Variants in ZBTB43 observed in about 807,000 individuals in gnomAD.
ZBTB43 encodes zinc finger and BTB domain-containing protein 43.
In ZBTB43, 6 loss-of-function variants were observed where a neutral mutation model predicts 31.1. The observed-to-expected ratio is 0.19, with a 90% CI of 0.11 to 0.38. ZBTB43 has a LOEUF of 0.38. Among genes scored for constraint, ZBTB43 ranks in the 10% least tolerant of loss-of-function variants. ZBTB43 has a pLI of 1.00. For missense variants in ZBTB43, 379 were observed against 602.1 expected, an observed-to-expected ratio of 0.63 and a Z score of 3.88; for synonymous variants, 212 against 221.7, an observed-to-expected ratio of 0.96 and a Z score of 0.39.
At chr9:126,808,939 T>TA (rs2032185349) in intron 2 of ZBTB43, 24 bp downstream of exon 2, 1 of 152,252 alleles carries the variant, frequency 6.6e-6, no homozygotes, top group African/African-American at 2.4e-5. Flanking sequence ...TTGATCACGA[T>TA]ACCATTTTTA....
At chr9:126,828,657 T>TAATA (rs1564206300) in intron 2 of ZBTB43, among the ~76,000 whole-genome samples, 17 of 140,298 alleles carry the variant, frequency 1.2e-4, no homozygotes, top group Non-Finnish European at 2.1e-4. Context: ...TAATAATAAT[T>TAATA]ATTATTATTA....
chr9:126,806,358 T>C (rs77688231), intron 1 of ZBTB43, among the ~76,000 whole-genome samples: 2,298 of 152,318 alleles, frequency 0.015, 62 homozygotes, highest in African/African-American at 0.052. Flanking sequence ...ATTTGCTTTA[T>C]AAAAGCACCA....
chr9:126,813,968 C>T (rs763580876), intron 2 of ZBTB43, among the ~76,000 whole-genome samples: 17 of 152,004 alleles, frequency 1.1e-4, no homozygotes, highest in African/African-American at 3.9e-4. Flanking sequence ...TCTGTAGCCA[C>T]GTATATTATC....
intron 2 of ZBTB43, among the ~76,000 whole-genome samples, chr9:126,818,478 C>G (rs1052519006): frequency 6.6e-6 from 1 of 152,032 alleles, no homozygotes; most frequent in Non-Finnish European, 1.5e-5. Flanking sequence ...CTTCTGAGCC[C>G]AAGCAATTCG....
At chr9:126,827,018 G>T (rs2032656565) in intron 2 of ZBTB43, among the ~76,000 whole-genome samples, 1 of 152,190 alleles carries the variant, frequency 6.6e-6, no homozygotes, top group Non-Finnish European at 1.5e-5. Context: ...GTATGATACT[G>T]TGGTAACTCT....
At chr9:126,811,769 G>T (rs1223684153) in intron 2 of ZBTB43, among the ~76,000 whole-genome samples, 1 of 152,078 alleles carries the variant, frequency 6.6e-6, no homozygotes, top group Admixed American at 6.6e-5. Flanking sequence ...GGGACTACAG[G>T]CACCCACCAC....
At chr9:126,826,238 C>T (rs1331980508) in intron 2 of ZBTB43, among the ~76,000 whole-genome samples, 1 of 151,370 alleles carries the variant, frequency 6.6e-6, no homozygotes, top group Non-Finnish European at 1.5e-5. Flanking sequence ...TTTGGAACTC[C>T]TGACCTCAGG....
In ZBTB43 at chr9:126,833,651, TC is replaced by T; in HGVS notation, c.1143del (p.Phe381LeufsTer11). ...KLYPCQCGKS[F>X]THKSQRDRHM... The stretch of plus-strand genomic sequence containing the variant: ...TATCCTTGTCAGTGTGGGAAAAGTT[TC>T]ACTCACAAGAGTCAGAGAGATCGGC... On this transcript the variant is annotated frameshift_variant, in exon 3 of 3. Coordinates refer to ENST00000373464, the MANE Select transcript of ZBTB43 (RefSeq NM_014007.4). LOFTEE classifies it high-confidence loss of function. The surrounding 1 kb of genome is among the most constrained non-coding windows in gnomAD (Gnocchi z 7.9). The T allele has an allele frequency of 6.2e-7, 1 of 1,613,418 alleles. No homozygotes were observed. The highest frequency in any genetic ancestry group is 8.5e-7 in the Non-Finnish European group (1 of 1,179,402).
rs117632236 is a variant in ZBTB43, at chr9:126,836,778, A to G, written c.*2865A>G. 381 of 167,096 alleles carry G rather than the reference A, an allele frequency of 2.3e-3. 12 individuals are homozygous for G. In the East Asian group the frequency reaches 0.036, roughly 16 times the overall value. 10.4% of individuals were successfully genotyped at this position (167,096 alleles called of 1,614,324 possible). A position where few individuals can be genotyped will look rare whatever the true frequency, so the allele number is the denominator to read the frequency against. ...GGTTTTTCTTCAATCCCCATGGGAA[A>G]GGGCTTCAAGGCACCACCAGTGGTA... is the stretch of plus-strand genomic sequence containing the variant. On this transcript the variant is annotated 3_prime_UTR_variant, in exon 3 of 3. Coordinates refer to ENST00000373464, the MANE Select transcript of ZBTB43 (RefSeq NM_014007.4).
rs2032808982 is a variant in ZBTB43, at chr9:126,833,307, G to A, written c.798G>A (p.Glu266=). Residue 266 remains glutamate, a synonymous_variant, in exon 3 of 3, where the codon GAG becomes GAA. Transcript: ENST00000373464. This position sits in a 1 kb window ranked among gnomAD's most constrained non-coding sequence, Gnocchi z 7.9. ...EGMDVHATYD[E]HQVTESINTV... The stretch of plus-strand genomic sequence containing the variant: ...TGGATGTGCACGCGACCTACGACGA[G>A]CACCAGGTCACAGAGTCCATCAACA... 6.2e-6 allele frequency: 10 copies of A among 1,612,990 alleles called. No homozygotes were observed. The highest frequency in any genetic ancestry group is 7.6e-6 in the Non-Finnish European group (9 of 1,179,556).
intron 2 of ZBTB43, among the ~76,000 whole-genome samples, chr9:126,818,060 A>G (rs960266052): frequency 6.7e-6 from 1 of 149,230 alleles, no homozygotes; most frequent in Non-Finnish European, 1.5e-5. Flanking sequence ...ACAACATGGT[A>G]TTCTATTTAT....
chr9:126,827,781 G>T lies in ZBTB43; in HGVS notation c.-23-4706G>T, dbSNP rs1490677998. On this transcript the variant is annotated intron_variant, in intron 2 of 2. Transcript: ENST00000373464. ...CCAGTACTTTGGGAGACTGAGGCGG[G>T]CGGATCACCTGAGGTCAGGAGTTGG... is the stretch of plus-strand genomic sequence containing the variant. 2.6e-5 allele frequency among the ~76,000 whole-genome samples: 4 copies of T among 152,264 alleles called. No individual in the cohort carries two copies. The East Asian group carries it at 7.7e-4, about 29-fold the overall frequency.
At chr9:126,828,646 A>ATTATTATTATTAT (rs199919761) in intron 2 of ZBTB43, among the ~76,000 whole-genome samples, 1 of 141,466 alleles carries the variant, frequency 7.1e-6, no homozygotes, top group African/African-American at 2.7e-5. Flanking sequence ...AATAATAATA[A>ATTATTATTATTAT]TAATAATAAT....
chr9:126,827,902 A>C (rs1262849645), intron 2 of ZBTB43, among the ~76,000 whole-genome samples: 2 of 152,066 alleles, frequency 1.3e-5, no homozygotes, highest in Admixed American at 6.5e-5. Context: ...AATCTCAGCT[A>C]CTTGGGAGGC....
At chr9:126,827,945 A>T (rs1418787911) in intron 2 of ZBTB43, among the ~76,000 whole-genome samples, 1 of 152,004 alleles carries the variant, frequency 6.6e-6, no homozygotes, top group Non-Finnish European at 1.5e-5. Context: ...TGAACCCAGG[A>T]GGCAGAGGTT....
intron 2 of ZBTB43, among the ~76,000 whole-genome samples, chr9:126,815,402 A>G (rs989122978): frequency 6.7e-5 from 10 of 149,424 alleles, no homozygotes; most frequent in African/African-American, 2.2e-4. Context: ...AGCTTATCAC[A>G]TAAAACTTTT....
At chr9:126,819,125 T>C (rs1367341610) in intron 2 of ZBTB43, among the ~76,000 whole-genome samples, 1 of 152,156 alleles carries the variant, frequency 6.6e-6, no homozygotes, top group Non-Finnish European at 1.5e-5. Flanking sequence ...GTTAGAAAAA[T>C]ACTTTGTATT....
At chr9:126,825,842 A>AATTT (rs761372574) in intron 2 of ZBTB43, among the ~76,000 whole-genome samples, 2 of 91,202 alleles carry the variant, frequency 2.2e-5, no homozygotes, top group African/African-American at 3.8e-5. Context: ...TCCTTTTTAT[A>AATTT]TTTTTTTTTT....
chr9:126,826,230 T>G (rs2032632150), intron 2 of ZBTB43, among the ~76,000 whole-genome samples: 1 of 151,488 alleles, frequency 6.6e-6, no homozygotes, highest in African/African-American at 2.4e-5. Flanking sequence ...AAGACTGGTT[T>G]GGAACTCCTG....
Sources: allele counts gnomAD v4.1 joint callset (sites outside exome capture counted in the v4.1 genomes callset), GRCh38; gene constraint gnomAD v4.1.1; non-coding constraint Gnocchi (gnomAD v3.1); transcripts MANE v1.5; gene names NCBI Gene and HGNC (gene_info 2026-07-23, HGNC 2026-07-21).